Variants in DOCK8 observed in about 807,000 individuals in gnomAD.
The protein encoded by DOCK8 is dedicator of cytokinesis protein 8.
In DOCK8, 141 loss-of-function variants were observed where a neutral mutation model predicts 245.6. The observed-to-expected ratio is 0.57, with a 90% CI of 0.50 to 0.66. The LOEUF (loss-of-function observed/expected upper bound fraction) is 0.66, where lower values mean the gene tolerates loss of function less well. Among genes scored for constraint, DOCK8 ranks in the 30% least tolerant of loss-of-function variants. The pLI, the probability that DOCK8 is intolerant of heterozygous loss-of-function variation, is 0.00. For synonymous variants in DOCK8, 1,168 were observed against 970.2 expected, an observed-to-expected ratio of 1.20 and a Z score of -3.79; for missense variants, 2,965 against 2,603.4, an observed-to-expected ratio of 1.14 and a Z score of -3.02.
At chr9:389,836 G>A (rs2054108143) in intron 23 of DOCK8, among the ~76,000 whole-genome samples, 1 of 151,546 alleles carries the variant, frequency 6.6e-6, no homozygotes, top group South Asian at 2.1e-4. Flanking sequence ...GCAGCATGGC[G>A]AAACCCCATC....
chr9:388,560 T>C (rs889202644), intron 23 of DOCK8, among the ~76,000 whole-genome samples: 2 of 151,826 alleles, frequency 1.3e-5, no homozygotes, highest in Non-Finnish European at 2.9e-5. Context: ...GTAATTTTTT[T>C]TTTTTTTTGA....
intron 10 of DOCK8, 106 bp from the exon 11 acceptor site, chr9:334,119 T>A: frequency 1.6e-6 from 2 of 1,259,128 alleles, no homozygotes; most frequent in South Asian, 2.5e-5. Context: ...TTACTCTTTT[T>A]AATCAGTAGG....
chr9:270,591 A>G (rs566937981), intron 1 of DOCK8, among the ~76,000 whole-genome samples: 2 of 152,358 alleles, frequency 1.3e-5, no homozygotes, highest in South Asian at 4.1e-4. Context: ...TGGGTAGTTA[A>G]TAAGTATGCC....
chr9:449,553 G>A (rs2057365581), intron 44 of DOCK8, among the ~76,000 whole-genome samples: 1 of 152,194 alleles, frequency 6.6e-6, no homozygotes, highest in Admixed American at 6.5e-5. Context: ...GTATAAAGAG[G>A]TTGTTGAGAG....
chr9:426,289 C>T (rs542708131), intron 33 of DOCK8, among the ~76,000 whole-genome samples: 2 of 152,186 alleles, frequency 1.3e-5, no homozygotes, highest in Non-Finnish European at 2.9e-5. Flanking sequence ...ATCACCTGCC[C>T]TACAGGAATA....
At chr9:318,928 C>G (rs1475243541) in intron 7 of DOCK8, among the ~76,000 whole-genome samples, 2 of 152,170 alleles carry the variant, frequency 1.3e-5, no homozygotes, top group African/African-American at 4.8e-5. Flanking sequence ...CTAGACCTCT[C>G]CAGTGAATGA....
chr9:439,121 A>C, intron 39 of DOCK8, 124 bp from the exon 40 acceptor site: 3 of 1,213,820 alleles, frequency 2.5e-6, no homozygotes, highest in Non-Finnish European at 3.6e-6. Flanking sequence ...TTACAGACCT[A>C]GTTTAGTCAC....
chr9:333,395 A>T (rs924341840), intron 10 of DOCK8, among the ~76,000 whole-genome samples: 3 of 152,186 alleles, frequency 2.0e-5, no homozygotes, highest in Non-Finnish European at 2.9e-5. Context: ...AGGTCAGAAG[A>T]TTGAGACCAT....
rs573643004 is a variant in DOCK8 at position 459,514 on chromosome 9, G to A, written c.6069-4003G>A. ...AAAAGAAAATTTAATTATTATGCAT[G>A]TGGTACATAATAATTTTTGCTTTCC... On this transcript the variant is annotated intron_variant, in intron 46 of 47. Coordinates refer to ENST00000432829, the MANE Select transcript of DOCK8 (RefSeq NM_203447.4). Among the ~76,000 whole-genome samples, 6 of 152,160 alleles carry A rather than the reference G, an allele frequency of 3.9e-5. 1 individual carries two copies. The highest frequency in any genetic ancestry group is 8.8e-5 in the Non-Finnish European group (6 of 68,040).
intron 28 of DOCK8, among the ~76,000 whole-genome samples, chr9:410,599 C>T (rs946481877): frequency 1.3e-5 from 2 of 152,050 alleles, no homozygotes; most frequent in African/African-American, 4.8e-5. Flanking sequence ...ATATACTGCT[C>T]TTGAATAGTT....
chr9:237,282 G>A (rs1282464431), intron 1 of DOCK8, among the ~76,000 whole-genome samples: 1 of 152,250 alleles, frequency 6.6e-6, no homozygotes, highest in Non-Finnish European at 1.5e-5. Flanking sequence ...CCTAGGAGGA[G>A]ACAAGAAGAA....
In DOCK8 at chr9:298,015, A is replaced by C. The variant is rs139034000; in HGVS notation, c.405-6566A>C. On this transcript the variant is annotated intron_variant, in intron 4 of 47. Transcript: ENST00000432829. ...GTCCATGTGAAAAACTCCCACAAAC[A>C]CTCTAACAAAATGGAAGACAGAAAA... 4.1e-3 allele frequency among the ~76,000 whole-genome samples: 626 copies of C among 152,310 alleles called. 6 individuals are homozygous for C. The highest frequency in any genetic ancestry group is 0.015 in the African/African-American group (603 of 41,556).
intron 24 of DOCK8, among the ~76,000 whole-genome samples, chr9:395,670 G>A (rs1015682848): frequency 1.3e-5 from 2 of 151,960 alleles, no homozygotes; most frequent in African/African-American, 2.4e-5. Context: ...TCCTAATAGT[G>A]TAAGCAACTT....
At chr9:267,608 T>G (rs1440284668) in intron 1 of DOCK8, among the ~76,000 whole-genome samples, 1 of 152,266 alleles carries the variant, frequency 6.6e-6, no homozygotes, top group Non-Finnish European at 1.5e-5. Flanking sequence ...GGATTTCTGA[T>G]CCTTGTAGTA....
chr9:425,464 G>A (rs550499755), intron 33 of DOCK8, among the ~76,000 whole-genome samples: 237 of 151,354 alleles, frequency 1.6e-3, no homozygotes, highest in African/African-American at 5.5e-3. Context: ...CCCGGGAAGT[G>A]GAGCTTGCGG....
upstream of DOCK8, chr9:214,419 T>C (rs1587590317): frequency 1.5e-6 from 2 of 1,363,316 alleles, no homozygotes; most frequent in South Asian, 1.3e-5. Flanking sequence ...CAAAAGTTGA[T>C]TTGAATCCTG....
At chr9:229,956 A>G (rs1313749292) in intron 1 of DOCK8, among the ~76,000 whole-genome samples, 1 of 151,634 alleles carries the variant, frequency 6.6e-6, no homozygotes, top group Non-Finnish European at 1.5e-5. Flanking sequence ...CACAACATGC[A>G]GGTTTGTTAC....
chr9:341,921 G>C (rs2051615107), intron 14 of DOCK8, among the ~76,000 whole-genome samples: 1 of 152,164 alleles, frequency 6.6e-6, no homozygotes, highest in African/African-American at 2.4e-5. Context: ...GCATATATGA[G>C]GCATCTAGGT....
At chr9:226,734 TGGGGA>T (rs2046997453) in intron 1 of DOCK8, among the ~76,000 whole-genome samples, 1 of 152,174 alleles carries the variant, frequency 6.6e-6, no homozygotes, top group South Asian at 2.1e-4. Flanking sequence ...AGGGTTTAAC[TGGGGA>T]CATATGGAGT....
Sources: allele counts gnomAD v4.1 joint callset (sites outside exome capture counted in the v4.1 genomes callset), GRCh38; gene constraint gnomAD v4.1.1; transcripts MANE v1.5; gene names NCBI Gene and HGNC (gene_info 2026-07-23, HGNC 2026-07-21).